Variants in TTLL5 observed in about 807,000 individuals in gnomAD.
TTLL5 encodes the protein tubulin tyrosine ligase like 5, also known as tubulin polyglutamylase TTLL5.
A neutral mutation model predicts 168.4 loss-of-function variants in TTLL5; 132 were observed. That is an observed-to-expected ratio of 0.78 (90% CI 0.68 to 0.91). The LOEUF (loss-of-function observed/expected upper bound fraction) is 0.91, where lower values mean the gene tolerates loss of function less well. TTLL5 is among the 40% of genes least tolerant of loss of function. The pLI, the probability that TTLL5 is intolerant of heterozygous loss-of-function variation, is 0.00. For missense variants in TTLL5, 1,545 were observed against 1,581.5 expected, an observed-to-expected ratio of 0.98 and a Z score of 0.39; for synonymous variants, 546 against 558.6, an observed-to-expected ratio of 0.98 and a Z score of 0.32.
chr14:75,803,521 A>T (rs913594004), intron 27 of TTLL5, among the ~76,000 whole-genome samples: 2 of 152,216 alleles, frequency 1.3e-5, no homozygotes, highest in African/African-American at 4.8e-5. Context: ...TAAAGAGATA[A>T]ATGTTCTCAA....
At position 75,745,494 on chromosome 14, in the gene TTLL5, A is replaced by T; in HGVS notation, c.1400A>T (p.Lys467Ile). ...TTTATCTTATTTTTCATCTAGATCA[A>T]AGTTTTACGAAGGGTGAAGGAGGAG... ...SVLGLSMEEI[K>I]VLRRVKEEND... The change falls in exon 17 of 32, where the codon AAA becomes ATA. Residue 467 changes from lysine to isoleucine, a missense_variant. By Grantham distance (102) the Lys-to-Ile change is moderately radical. Transcript: ENST00000298832. 10 of 1,613,996 alleles carry T rather than the reference A, an allele frequency of 6.2e-6. No homozygotes were observed. Among genetic ancestry groups the T allele is most frequent in the Non-Finnish European group, 8.5e-6 (10 of 1,179,968 alleles).
chr14:75,727,977 T>C (rs1204415743), intron 12 of TTLL5: 2 of 370,528 alleles, frequency 5.4e-6, no homozygotes, highest in South Asian at 4.3e-5. Flanking sequence ...TATCAAGACT[T>C]GTCAAGTTGT....
chr14:75,733,840 T>C (rs1463364951), intron 13 of TTLL5, 149 bp from the exon 14 acceptor site: 2 of 678,926 alleles, frequency 2.9e-6, no homozygotes, highest in East Asian at 2.7e-5. Context: ...CCAGGATTTT[T>C]CCCCCACCGC....
At chr14:75,874,119 T>A (rs1424438150) in intron 29 of TTLL5, among the ~76,000 whole-genome samples, 1 of 151,898 alleles carries the variant, frequency 6.6e-6, no homozygotes, top group Non-Finnish European at 1.5e-5. Flanking sequence ...TGAGACAGAG[T>A]TTCACTCTAT....
At chr14:75,720,888 C>A (rs954833306) in intron 12 of TTLL5, among the ~76,000 whole-genome samples, 185 bp downstream of exon 12, 4 of 152,158 alleles carry the variant, frequency 2.6e-5, no homozygotes, top group African/African-American at 9.7e-5. Flanking sequence ...GGTCAGAAGT[C>A]CCCTGAGGAG....
chr14:75,891,476 T>C (rs2032399036), intron 30 of TTLL5, among the ~76,000 whole-genome samples: 2 of 152,246 alleles, frequency 1.3e-5, no homozygotes, highest in Admixed American at 1.3e-4. Context: ...TAGACAGCAG[T>C]GTCCAATGGT....
intron 31 of TTLL5, among the ~76,000 whole-genome samples, chr14:75,905,653 G>A (rs771211138): frequency 7.2e-5 from 11 of 152,224 alleles, no homozygotes; most frequent in Non-Finnish European, 1.2e-4. Context: ...AGCCAAAGTC[G>A]TTGGCCTTCC....
At chr14:75,745,604 T>C in intron 17 of TTLL5, 23 bp downstream of exon 17, 1 of 1,599,260 alleles carries the variant, frequency 6.3e-7, no homozygotes, top group Non-Finnish European at 8.6e-7. Flanking sequence ...CCTTTTTTTT[T>C]TATTCTTTAC....
rs78551116 is a variant in TTLL5 at position 75,905,370 on chromosome 14, G to A, written c.3823+3146G>A. Reference sequence around the variant, plus strand: ...GTGACTGTTCTCTCGCAGTCTGAATGAGATAGTGATTCGTCCCAGGGCACT... The same window carrying A: ...GTGACTGTTCTCTCGCAGTCTGAATAAGATAGTGATTCGTCCCAGGGCACT... On this transcript the variant is annotated intron_variant, in intron 31 of 31. Coordinates refer to ENST00000298832, the MANE Select transcript of TTLL5 (RefSeq NM_015072.5). Among the ~76,000 whole-genome samples the A allele has an allele frequency of 5.3e-5, 8 of 152,344 alleles. No individual in the cohort carries two copies. In the South Asian group the frequency reaches 1.7e-3, roughly 32 times the overall value.
intron 12 of TTLL5, 168 bp from the exon 13 acceptor site, chr14:75,732,170 C>T: frequency 1.2e-5 from 7 of 567,680 alleles, no homozygotes; most frequent in Admixed American, 3.6e-5. Flanking sequence ...TGATTAATTT[C>T]TCTTGAACTT....
intron 27 of TTLL5, among the ~76,000 whole-genome samples, chr14:75,809,533 A>G (rs951824571): frequency 3.3e-5 from 5 of 152,308 alleles, no homozygotes; most frequent in Non-Finnish European, 5.9e-5. Context: ...AGTAATTGGG[A>G]TATCCGTTGC....
chr14:75,933,061 A>G (rs1427887329), intron 31 of TTLL5, among the ~76,000 whole-genome samples: 1 of 152,220 alleles, frequency 6.6e-6, no homozygotes, highest in African/African-American at 2.4e-5. Context: ...TCTTTGCCCA[A>G]GCATTCTAGT....
intron 31 of TTLL5, among the ~76,000 whole-genome samples, chr14:75,944,977 A>G (rs2034722600): frequency 6.6e-6 from 1 of 152,042 alleles, no homozygotes. Context: ...GTGCATGCTC[A>G]TCTCCCAAGT....
At chr14:75,786,561 C>A (rs534678573) in intron 26 of TTLL5, among the ~76,000 whole-genome samples, 1 of 151,976 alleles carries the variant, frequency 6.6e-6, no homozygotes, top group Non-Finnish European at 1.5e-5. Flanking sequence ...TGACAATATG[C>A]GGACAAAAAT....
At chr14:75,753,170 A>G (rs561029437) in intron 18 of TTLL5, among the ~76,000 whole-genome samples, 6 of 152,358 alleles carry the variant, frequency 3.9e-5, no homozygotes, top group African/African-American at 1.2e-4. Flanking sequence ...AAATTTAACT[A>G]TAAAGATCTT....
chr14:75,826,757 G>T (rs1895167949), intron 28 of TTLL5, among the ~76,000 whole-genome samples: 3 of 152,122 alleles, frequency 2.0e-5, no homozygotes, highest in Non-Finnish European at 4.4e-5. Flanking sequence ...CAAGTTAACT[G>T]GTTTACCAGC....
In TTLL5 at chr14:75,924,187, C is replaced by T. The variant is rs2033925512; in HGVS notation, c.3823+21963C>T. Among the ~76,000 whole-genome samples the T allele has an allele frequency of 3.3e-5, 5 of 151,126 alleles. No individual in the cohort carries two copies. In the South Asian group the frequency reaches 1.0e-3, roughly 31 times the overall value. On this transcript the variant is annotated intron_variant, in intron 31 of 31. Transcript: ENST00000298832. ...TGACTCTTTATCCAATTTGCCAGTT[C>T]GTGTCTTTCAATTGGGGCATTTAGC...
chr14:75,798,671 T>C (rs1893121060), intron 27 of TTLL5, among the ~76,000 whole-genome samples: 1 of 152,172 alleles, frequency 6.6e-6, no homozygotes, highest in African/African-American at 2.4e-5. Flanking sequence ...GTCACTGTTA[T>C]CATTCAGCTC....
At chr14:75,749,031 A>G (rs1889787115) in intron 17 of TTLL5, among the ~76,000 whole-genome samples, 1 of 152,214 alleles carries the variant, frequency 6.6e-6, no homozygotes, top group Admixed American at 6.5e-5. Flanking sequence ...CTGTTCATAG[A>G]GAAATCGTCC....
Sources: allele counts gnomAD v4.1 joint callset (sites outside exome capture counted in the v4.1 genomes callset), GRCh38; gene constraint gnomAD v4.1.1; transcripts MANE v1.5; gene names NCBI Gene and HGNC (gene_info 2026-07-23, HGNC 2026-07-21).